NISCH: variants seen among roughly 807,000 people sequenced by gnomAD.
The protein encoded by NISCH is nischarin.
A neutral mutation model predicts 138.4 loss-of-function variants in NISCH; 55 were observed. The observed-to-expected ratio is 0.40, with a 90% CI of 0.32 to 0.50. NISCH has a LOEUF of 0.50. NISCH is among the 20% of genes least tolerant of loss of function. The probability of loss-of-function intolerance (pLI) is 0.71; values close to 1 mark genes in which losing one functional copy is unlikely to be tolerated. For missense variants in NISCH, 1,643 were observed against 2,005.5 expected, an observed-to-expected ratio of 0.82 and a Z score of 3.45; for synonymous variants, 860 against 861.5, an observed-to-expected ratio of 1.00 and a Z score of 0.03.
Position 52,457,388 on chromosome 3 carries a change from G to A in NISCH, c.94-455G>A, listed in dbSNP as rs190881673. The stretch of plus-strand genomic sequence containing the variant: ...GAAAATGACTTGCTTCCAGGAGGTA[G>A]TCAGGGCACCTGGAAAGAAGTACAA... On this transcript the variant is annotated intron_variant, in intron 1 of 20. Coordinates refer to ENST00000345716, the MANE Select transcript of NISCH (RefSeq NM_007184.4). 2.0e-5 allele frequency among the ~76,000 whole-genome samples: 3 copies of A among 152,324 alleles called. No homozygotes were observed. The East Asian group carries it at 5.8e-4, about 29-fold the overall frequency.
intron 5 of NISCH, 138 bp downstream of exon 5, chr3:52,472,115 A>G (rs1706967603): frequency 9.3e-7 from 1 of 1,073,338 alleles, no homozygotes; most frequent in Non-Finnish European, 1.3e-6. Flanking sequence ...TATTCTTGGC[A>G]CTATGCTTCT....
intron 3 of NISCH, 199 bp from the exon 4 acceptor site, chr3:52,470,660 T>G: frequency 1.6e-6 from 1 of 608,422 alleles, no homozygotes; most frequent in Middle Eastern, 3.9e-4. Context: ...AGGAGACATT[T>G]CAGGTATCCA....
At chr3:52,472,767 C>T (rs191649617) in intron 6 of NISCH, among the ~76,000 whole-genome samples, 34 of 152,308 alleles carry the variant, frequency 2.2e-4, no homozygotes, top group East Asian at 3.9e-4. Flanking sequence ...TTCCCAAGGC[C>T]GATTGGCAAA....
Position 52,489,466 on chromosome 3 carries a change from A to C in NISCH, c.3244A>C (p.Thr1082Pro). The change falls in exon 17 of 21, where the codon ACT (threonine) becomes CCT (proline). Residue 1082 changes from threonine to proline, a missense_variant. Thr to Pro is a conservative substitution (Grantham distance 38). Transcript: ENST00000345716. ...AKTPAPAEASTSALVPEETPV... is the reference protein window; with the variant it reads ...AKTPAPAEASPSALVPEETPV... ...GACTCCGGCCCCAGCAGAGGCCTCA[A>C]CTTCAGCTTTGGTCCCAGAGGAGAC... The C allele has an allele frequency of 2.5e-6, 4 of 1,604,516 alleles. No homozygotes were observed. In the South Asian group the frequency reaches 4.4e-5, roughly 18 times the overall value.
intron 3 of NISCH, among the ~76,000 whole-genome samples, chr3:52,465,911 C>G (rs926379535): frequency 6.6e-6 from 1 of 152,116 alleles, no homozygotes; most frequent in African/African-American, 2.4e-5. Context: ...CTAGCCATTA[C>G]TAGGTGGTTC....
At position 52,492,176 on chromosome 3, in the gene NISCH, C is replaced by T. The variant is rs763742904; in HGVS notation, c.4209C>T (p.Asp1403=). 3.7e-6 allele frequency: 6 copies of T among 1,613,152 alleles called. No homozygotes were observed. In the South Asian group the frequency reaches 5.5e-5, roughly 15 times the overall value. ...TTGCCAAAGAGCCGCCGCAGAGAGA[C>T]AGGTACCGGCTGGACGATGGCCGCC... The part of the protein sequence containing the change: ...PEFAKEPPQR[D]RYRLDDGRRV... The change falls in exon 21 of 21, where the codon GAC becomes GAT. Residue 1403 remains aspartate, a synonymous_variant. Transcript: ENST00000345716.
At chr3:52,461,161 C>A (rs568356946) in intron 3 of NISCH, among the ~76,000 whole-genome samples, 5 of 152,304 alleles carry the variant, frequency 3.3e-5, no homozygotes, top group African/African-American at 1.2e-4. Flanking sequence ...TCGCTTGAAC[C>A]TGGGAAGGGG....
At chr3:52,484,296 C>A in intron 13 of NISCH, 1 of 509,706 alleles carries the variant, frequency 2.0e-6, no homozygotes, top group Admixed American at 3.3e-5. Flanking sequence ...ATGCTTCTCC[C>A]TGCCCTGAGA....
chr3:52,488,923 C>T (rs1336014690), intron 16 of NISCH, among the ~76,000 whole-genome samples: 3 of 152,200 alleles, frequency 2.0e-5, no homozygotes, highest in African/African-American at 7.2e-5. Context: ...GAGCAACAGG[C>T]TGCAGCACAC....
chr3:52,466,782 A>G (rs771227886), intron 3 of NISCH, among the ~76,000 whole-genome samples: 38 of 152,090 alleles, frequency 2.5e-4, no homozygotes, highest in Non-Finnish European at 5.0e-4. Context: ...ACTTGGTTGC[A>G]GGGCATGTGC....
intron 8 of NISCH, 88 bp from the exon 9 acceptor site, chr3:52,477,486 C>A: frequency 9.2e-7 from 1 of 1,090,440 alleles, no homozygotes; most frequent in Non-Finnish European, 1.4e-6. Flanking sequence ...CGGGAGGAAG[C>A]GTCCTGGGGT....
intron 1 of NISCH, among the ~76,000 whole-genome samples, chr3:52,457,609 C>G (rs1000052582): frequency 1.3e-5 from 2 of 152,194 alleles, no homozygotes; most frequent in Admixed American, 6.5e-5. Flanking sequence ...CCTCCCAGCC[C>G]TAGTGCTTGG....
intron 1 of NISCH, 35 bp from the exon 2 acceptor site, chr3:52,457,808 C>T (rs369060089): frequency 8.7e-6 from 13 of 1,487,488 alleles, no homozygotes; most frequent in Non-Finnish European, 1.2e-5. Flanking sequence ...TTGCTGGGCT[C>T]CCTTGCCACA....
chr3:52,464,243 C>A (rs1379055814), intron 3 of NISCH, among the ~76,000 whole-genome samples: 1 of 151,578 alleles, frequency 6.6e-6, no homozygotes, highest in Non-Finnish European at 1.5e-5. Flanking sequence ...ACTAAAAATA[C>A]AGAAATTAGC....
chr3:52,462,199 A>G (rs1403842852), intron 3 of NISCH, among the ~76,000 whole-genome samples: 1 of 152,240 alleles, frequency 6.6e-6, no homozygotes, highest in Non-Finnish European at 1.5e-5. Context: ...AGGATTTAAA[A>G]AAGCAATTGA....
intron 13 of NISCH, 51 bp from the exon 14 acceptor site, chr3:52,484,462 T>TTGGGCGCCC: frequency 7.6e-6 from 6 of 788,670 alleles, no homozygotes; most frequent in Non-Finnish European, 1.1e-5. Flanking sequence ...ACAGCCGCTC[T>TTGGGCGCCC]CCCCGCCCCA....
At chr3:52,491,179 C>A (rs1707551571) in intron 19 of NISCH, among the ~76,000 whole-genome samples, 173 bp from the exon 20 acceptor site, 1 of 152,258 alleles carries the variant, frequency 6.6e-6, no homozygotes, top group African/African-American at 2.4e-5. Flanking sequence ...TGCCTCAGCT[C>A]TTCCGGCCTG....
intron 3 of NISCH, among the ~76,000 whole-genome samples, chr3:52,460,007 C>A (rs1411381109): frequency 6.7e-6 from 1 of 149,638 alleles, no homozygotes; most frequent in Non-Finnish European, 1.5e-5. Flanking sequence ...ATGGTGAAAC[C>A]CTGTCTCTAC....
Position 52,490,719 on chromosome 3 carries a change from A to G in NISCH, c.3628A>G (p.Lys1210Glu). The G allele has an allele frequency of 6.2e-7, 1 of 1,614,164 alleles. No individual in the cohort carries two copies. Among genetic ancestry groups the G allele is most frequent in the Non-Finnish European group, 8.5e-7 (1 of 1,180,022 alleles). ...SEPLQDFWHQKNTDYNNSPFH... is the reference protein window; with the variant it reads ...SEPLQDFWHQENTDYNNSPFH... ...CCATCACACAGATTTCTGGCATCAG[A>G]AAAACACCGACTACAACAACAGCCC... The change falls in exon 19 of 21, where the codon AAA becomes GAA. Residue 1210 changes from lysine (K) to glutamate (E), a missense_variant. Lys to Glu is a moderately conservative substitution (Grantham distance 56, BLOSUM62 1). Transcript: ENST00000345716.
Sources: gnomAD v4.1 joint callset for allele counts (sites outside exome capture counted in the v4.1 genomes callset) on GRCh38, gnomAD v4.1.1 for gene constraint, MANE v1.5 for transcripts, NCBI Gene and HGNC (gene_info 2026-07-23, HGNC 2026-07-21) for gene names.